Variants in TDRD3 observed in about 807,000 individuals in gnomAD.
The protein encoded by TDRD3 is tudor domain containing 3.
A neutral mutation model predicts 86.7 loss-of-function variants in TDRD3; 45 were observed. The observed-to-expected ratio is 0.52, with a 90% CI of 0.41 to 0.67. The LOEUF (loss-of-function observed/expected upper bound fraction) is 0.67. Among genes scored for constraint, TDRD3 ranks in the 30% least tolerant of loss-of-function variants. The pLI, the probability that TDRD3 is intolerant of heterozygous loss-of-function variation, is 0.00. For missense variants in TDRD3, 814 were observed against 889.0 expected, an observed-to-expected ratio of 0.92 and a Z score of 1.07; for synonymous variants, 298 against 301.7, an observed-to-expected ratio of 0.99 and a Z score of 0.13.
At chr13:60,479,177 G>C (rs1449559505) in intron 5 of TDRD3, among the ~76,000 whole-genome samples, 1 of 152,128 alleles carries the variant, frequency 6.6e-6, no homozygotes, top group Non-Finnish European at 1.5e-5. Flanking sequence ...CACTGCTTTA[G>C]CAGCATCTCA....
chr13:60,467,135 C>A, intron 4 of TDRD3, 103 bp from the exon 5 acceptor site: 1 of 1,365,694 alleles, frequency 7.3e-7, no homozygotes, highest in Non-Finnish European at 1.0e-6. Flanking sequence ...CTCTCCCTCC[C>A]ACTACCCCAC....
intron 3 of TDRD3, among the ~76,000 whole-genome samples, chr13:60,448,852 A>T (rs1475289093): frequency 6.6e-6 from 1 of 152,180 alleles, no homozygotes; most frequent in East Asian, 1.9e-4. Flanking sequence ...ACCTAGGCGT[A>T]AAAGTTAATT....
chr13:60,437,649 T>C (rs562061525), intron 1 of TDRD3, among the ~76,000 whole-genome samples: 2 of 151,600 alleles, frequency 1.3e-5, no homozygotes, highest in African/African-American at 4.8e-5. Flanking sequence ...AATTAATCTA[T>C]TCTAGTTTAT....
Position 60,529,221 on chromosome 13 carries a change from T to C in TDRD3, c.1992+4T>C, listed in dbSNP as rs780832796. ...ACTTTATTGGGAAGACAACAAGGTA[T>C]GGATGCTTTAAAGATATTATACACT... On this transcript the variant is annotated splice_donor_region_variant and intron_variant, in intron 11 of 13. Coordinates refer to ENST00000377881, the MANE Select transcript of TDRD3 (RefSeq NM_001146070.2). The C allele has an allele frequency of 8.2e-6, 13 of 1,578,036 alleles. No individual in the cohort carries two copies. Among genetic ancestry groups the C allele is most frequent in the African/African-American group, 1.4e-5 (1 of 73,224 alleles).
At chr13:60,486,905 T>C (rs1280353330) in intron 7 of TDRD3, among the ~76,000 whole-genome samples, 1 of 152,226 alleles carries the variant, frequency 6.6e-6, no homozygotes, top group Non-Finnish European at 1.5e-5. Flanking sequence ...TCCTTCAGGC[T>C]TATCCATGTT....
At chr13:60,545,239 G>A (rs1957913453) in intron 12 of TDRD3, among the ~76,000 whole-genome samples, 1 of 152,142 alleles carries the variant, frequency 6.6e-6, no homozygotes, top group Non-Finnish European at 1.5e-5. Flanking sequence ...GCTGGCATGG[G>A]TCTTGATTAT....
chr13:60,439,717 G>C lies in TDRD3; in HGVS notation c.71G>C (p.Cys24Ser). 6.5e-7 allele frequency: 1 copy of C among 1,544,660 alleles called. No homozygotes were observed. The highest frequency in any genetic ancestry group is 2.0e-5 in the Admixed American group (1 of 49,930). The change falls in exon 2 of 14, where the codon TGC (cysteine) becomes TCC (serine). Residue 24 changes from cysteine (C) to serine (S), a missense_variant. Cys to Ser is a moderately radical substitution (Grantham distance 112). Transcript: ENST00000377881. ...CTTTCAGATGAAGGCATTGAAGCTT[G>C]CACAAGCTCTCCAGACAAAGTCAAT... ...WYLSDEGIEA[C>S]TSSPDKVNVN...
At chr13:60,454,520 TTTTTG>T (rs1298303718) in intron 3 of TDRD3, among the ~76,000 whole-genome samples, 6 of 152,140 alleles carry the variant, frequency 3.9e-5, no homozygotes, top group South Asian at 2.1e-4. Flanking sequence ...CAGAAATGCT[TTTTTG>T]TTTTGTTTTG....
At chr13:60,506,918 TAAAG>T (rs1956951557) in intron 8 of TDRD3, among the ~76,000 whole-genome samples, 1 of 152,078 alleles carries the variant, frequency 6.6e-6, no homozygotes, top group African/African-American at 2.4e-5. Flanking sequence ...GCAAATTGGA[TAAAG>T]AGTCAAGACC....
At chr13:60,482,289 G>T (rs1478534130) in intron 5 of TDRD3, among the ~76,000 whole-genome samples, 1 of 152,046 alleles carries the variant, frequency 6.6e-6, no homozygotes, top group Non-Finnish European at 1.5e-5. Flanking sequence ...ACCTCTGTTT[G>T]CATCATGGCT....
chr13:60,428,851 T>C (rs1161109115), intron 1 of TDRD3, among the ~76,000 whole-genome samples: 1 of 152,160 alleles, frequency 6.6e-6, no homozygotes, highest in Admixed American at 6.5e-5. Flanking sequence ...GTCTGGAGTT[T>C]AAGCAGATAA....
intron 4 of TDRD3, among the ~76,000 whole-genome samples, chr13:60,464,782 C>T (rs1955882505): frequency 6.6e-6 from 1 of 151,756 alleles, no homozygotes; most frequent in African/African-American, 2.4e-5. Flanking sequence ...AAAATGGCAG[C>T]CAGGAAGGAT....
At chr13:60,434,248 T>C (rs1357731515) in intron 1 of TDRD3, among the ~76,000 whole-genome samples, 4 of 152,120 alleles carry the variant, frequency 2.6e-5, no homozygotes, top group Non-Finnish European at 5.9e-5. Context: ...GGTGGGCGGA[T>C]TGTTGGAGCT....
At chr13:60,504,676 C>T (rs1335155825) in intron 8 of TDRD3, among the ~76,000 whole-genome samples, 1 of 152,196 alleles carries the variant, frequency 6.6e-6, no homozygotes, top group Non-Finnish European at 1.5e-5. Flanking sequence ...CAGCTCCGGC[C>T]TGCAGCTCCT....
At chr13:60,520,092 T>A (rs1197131834) in intron 10 of TDRD3, among the ~76,000 whole-genome samples, 2 of 152,206 alleles carry the variant, frequency 1.3e-5, no homozygotes, top group African/African-American at 4.8e-5. Context: ...AAAAATTAGT[T>A]GTTTGAACAC....
chr13:60,451,350 G>A (rs1955536241), intron 3 of TDRD3, among the ~76,000 whole-genome samples: 1 of 152,152 alleles, frequency 6.6e-6, no homozygotes, highest in South Asian at 2.1e-4. Flanking sequence ...GGCTGCAGGA[G>A]TGCCAGAGTA....
At chr13:60,441,394 GCTGA>G (rs1459878517) in intron 2 of TDRD3, among the ~76,000 whole-genome samples, 11 of 152,068 alleles carry the variant, frequency 7.2e-5, no homozygotes, top group African/African-American at 2.4e-4. Flanking sequence ...AGAGGTGCAT[GCTGA>G]CTATTATCTG....
At chr13:60,397,054 T>C (rs1953930277), upstream of TDRD3, 1 of 275,340 alleles carries the variant, frequency 3.6e-6, no homozygotes, top group South Asian at 1.6e-4. Flanking sequence ...GTAAAAGCCT[T>C]CGGGGAAGAG....
intron 12 of TDRD3, among the ~76,000 whole-genome samples, chr13:60,541,146 A>ATTCTTTCTTTCTTTCT (rs138633350): frequency 4.5e-4 from 67 of 149,926 alleles, no homozygotes; most frequent in African/African-American, 1.6e-3. Context: ...TTGTTTTTCT[A>ATTCTTTCTTTCTTTCT]TTCTTTCTTT....
Sources: gnomAD v4.1 joint callset for allele counts (sites outside exome capture counted in the v4.1 genomes callset) on GRCh38, gnomAD v4.1.1 for gene constraint, MANE v1.5 for transcripts, NCBI Gene and HGNC (gene_info 2026-07-23, HGNC 2026-07-21) for gene names.